LOC101059915: variants seen among roughly 807,000 people sequenced by gnomAD.
chrX:71,668,075 C>T, the LOC101059915 span: 9 of 1,151,088 alleles, frequency 7.8e-6, no homozygotes, highest in South Asian at 6.1e-5. Flanking sequence ...CCTGGCACCC[C>T]GGTCGACGAC....
chrX:71,669,615 C>A, the LOC101059915 span: 2 of 969,160 alleles, frequency 2.1e-6, no homozygotes, highest in Non-Finnish European at 2.6e-6. Context: ...GAGAATACAG[C>A]AGTGGTGATC....
At chrX:71,670,476 G>T in the LOC101059915 span, 1 of 1,089,601 alleles carries the variant, frequency 9.2e-7, no homozygotes. Context: ...TTCCATTGAG[G>T]GTTTTGTGCC....
the LOC101059915 span, chrX:71,667,886 G>T: frequency 9.0e-7 from 1 of 1,113,458 alleles, no homozygotes; most frequent in Non-Finnish European, 1.2e-6. Flanking sequence ...CACACCGCCA[G>T]CCCGGGAGCC....
At chrX:71,670,538 A>T in the LOC101059915 span, 1 of 1,078,377 alleles carries the variant, frequency 9.3e-7, no homozygotes, top group African/African-American at 1.9e-5. Flanking sequence ...GGGCTGGGGG[A>T]GACAGGGAGA....
chrX:71,670,161 T>C, the LOC101059915 span: 1 of 1,061,702 alleles, frequency 9.4e-7, no homozygotes, highest in Non-Finnish European at 1.3e-6. Flanking sequence ...GGGCAACATG[T>C]TGCCAGCAGA....
the LOC101059915 span, chrX:71,670,412 G>T: frequency 2.6e-6 from 3 of 1,155,769 alleles, no homozygotes; most frequent in Admixed American, 5.2e-5. Flanking sequence ...ACTAATTTCG[G>T]TGTCTCCCCA....
chrX:71,669,070 T>C, the LOC101059915 span: 79 of 1,130,746 alleles, frequency 7.0e-5, no homozygotes, highest in African/African-American at 1.0e-3. Context: ...CACTCCTCCT[T>C]CTCCTCCTTG....
At chrX:71,668,539 C>T in the LOC101059915 span, 9 of 1,136,697 alleles carry the variant, frequency 7.9e-6, no homozygotes, top group East Asian at 3.3e-5. Context: ...CACTTGCGGA[C>T]GCCGCAGTTT....
chrX:71,671,295 A>G, the LOC101059915 span: 4 of 1,140,914 alleles, frequency 3.5e-6, no homozygotes, highest in Middle Eastern at 6.8e-4. Flanking sequence ...CCAGTAGCTT[A>G]GAAGGGCTGT....
chrX:71,668,554 C>T, the LOC101059915 span: 8 of 1,124,979 alleles, frequency 7.1e-6, no homozygotes, highest in Non-Finnish European at 9.3e-6. Context: ...CAGTTTCCAC[C>T]GCAGGGAGAG....
At chrX:71,670,507 T>C in the LOC101059915 span, 1 of 1,077,641 alleles carries the variant, frequency 9.3e-7, no homozygotes, top group Non-Finnish European at 1.2e-6. Flanking sequence ...ACCACTGGGC[T>C]GCAGGCTATG....
chrX:71,670,888 A>G, the LOC101059915 span: 12 of 752,136 alleles, frequency 1.6e-5, no homozygotes, highest in Non-Finnish European at 1.9e-5. Flanking sequence ...AGTCCCAGAG[A>G]TCTTCTCTTA....
At chrX:71,669,257 G>A in the LOC101059915 span, among the ~76,000 whole-genome samples, 1 of 111,873 alleles carries the variant, frequency 8.9e-6, no homozygotes, top group African/African-American at 3.3e-5. Flanking sequence ...AGCACTTGGT[G>A]TGTGCCAGGC....
the LOC101059915 span, chrX:71,668,603 C>T: frequency 7.3e-6 from 8 of 1,089,686 alleles, no homozygotes; most frequent in Middle Eastern, 7.2e-4. Context: ...ATCTCTCCTC[C>T]CCGCAGACTC....
At chrX:71,671,120 G>A in the LOC101059915 span, 12 of 1,158,317 alleles carry the variant, frequency 1.0e-5, 1 homozygote, top group South Asian at 2.3e-4. Context: ...GTTTCTGGTT[G>A]CAGGGCTAGG....
the LOC101059915 span, chrX:71,667,656 C>G: frequency 1.8e-6 from 1 of 543,359 alleles, no homozygotes; most frequent in Non-Finnish European, 2.5e-6. Context: ...CCCCAGAGCA[C>G]CACCCTTCCC....
At chrX:71,671,152 C>T in the LOC101059915 span, 8 of 1,161,785 alleles carry the variant, frequency 6.9e-6, no homozygotes, top group African/African-American at 5.4e-5. Context: ...GGGGGCAGGG[C>T]GTGGGTTTCT....
the LOC101059915 span, chrX:71,669,068 C>G: frequency 8.8e-7 from 1 of 1,131,919 alleles, no homozygotes; most frequent in East Asian, 3.4e-5. Context: ...CGCACTCCTC[C>G]TTCTCCTCCT....
chrX:71,670,969 C>T, the LOC101059915 span: 1 of 752,806 alleles, frequency 1.3e-6, no homozygotes, highest in Non-Finnish European at 1.6e-6. Context: ...TGTTTGCTTG[C>T]TGGCTGGCTT....
Sources: gnomAD v4.1 joint callset for allele counts (sites outside exome capture counted in the v4.1 genomes callset) on GRCh38, gnomAD v4.1.1 for gene constraint, MANE v1.5 for transcripts.